The following PTPRO variants were observed in gnomAD, a reference collection of about 807,000 sequenced individuals.
PTPRO encodes receptor-type tyrosine-protein phosphatase O.
Under a neutral mutation model 145.2 loss-of-function variants are expected in PTPRO, and 62 were observed. The ratio of observed to expected loss-of-function variants is 0.43; its 90% CI spans 0.35 to 0.53. PTPRO has a LOEUF of 0.53. Ranked by LOEUF, PTPRO falls within the 20% of genes least tolerant of loss-of-function variation. The pLI, the probability that PTPRO is intolerant of heterozygous loss-of-function variation, is 0.01. For missense variants in PTPRO, 1,345 were observed against 1,482.7 expected, an observed-to-expected ratio of 0.91 and a Z score of 1.53; for synonymous variants, 565 against 514.7, an observed-to-expected ratio of 1.10 and a Z score of -1.32.
chr12:15,578,787 C>T (rs956571263), intron 19 of PTPRO, 66 bp from the exon 20 acceptor site: 81 of 1,096,182 alleles, frequency 7.4e-5, no homozygotes, highest in Non-Finnish European at 9.5e-5. Flanking sequence ...AGCAATAAAC[C>T]AGTTGAACAA....
intron 1 of PTPRO, among the ~76,000 whole-genome samples, chr12:15,474,946 C>T (rs1422367372): frequency 3.9e-5 from 6 of 152,292 alleles, no homozygotes; most frequent in Non-Finnish European, 7.3e-5. Flanking sequence ...TCTCATTAGT[C>T]GCACCAACTG....
intron 19 of PTPRO, 151 bp downstream of exon 19, chr12:15,569,649 G>T (rs1038071690): frequency 2.1e-4 from 150 of 703,422 alleles, no homozygotes; most frequent in Non-Finnish European, 3.1e-4. Flanking sequence ...TAGAGCAAGG[G>T]TTGTCAATCC....
chr12:15,495,844 T>G (rs1266298744), intron 2 of PTPRO, among the ~76,000 whole-genome samples: 2 of 152,162 alleles, frequency 1.3e-5, no homozygotes, highest in East Asian at 3.8e-4. Flanking sequence ...TAACATTTTT[T>G]TACACAGAGT....
intron 1 of PTPRO, among the ~76,000 whole-genome samples, chr12:15,426,592 A>G (rs1175647140): frequency 6.6e-6 from 1 of 152,030 alleles, no homozygotes; most frequent in Non-Finnish European, 1.5e-5. Flanking sequence ...TCGCTGCTTT[A>G]GGTTCTCAAT....
At chr12:15,488,570 A>G (rs1365584220) in intron 2 of PTPRO, among the ~76,000 whole-genome samples, 1 of 152,222 alleles carries the variant, frequency 6.6e-6, no homozygotes, top group Non-Finnish European at 1.5e-5. Context: ...CAGAGTTGAC[A>G]TATTTCTCCT....
intron 15 of PTPRO, among the ~76,000 whole-genome samples, chr12:15,554,329 G>T (rs1163640803): frequency 1.3e-5 from 2 of 151,998 alleles, no homozygotes; most frequent in Non-Finnish European, 2.9e-5. Flanking sequence ...GTATTAGTCA[G>T]AGTTCTCTAG....
chr12:15,460,980 A>G (rs1049870973), intron 1 of PTPRO, among the ~76,000 whole-genome samples: 1 of 152,130 alleles, frequency 6.6e-6, no homozygotes, highest in South Asian at 2.1e-4. Context: ...CATCCAGGGC[A>G]CTCTTAAATT....
chr12:15,415,378 T>G (rs1939920180), intron 1 of PTPRO, among the ~76,000 whole-genome samples: 1 of 120,508 alleles, frequency 8.3e-6, no homozygotes, highest in South Asian at 3.4e-4. Context: ...ATTTGTTAGG[T>G]GAAATGAATT....
chr12:15,531,623 C>G (rs1942964659), intron 12 of PTPRO, among the ~76,000 whole-genome samples: 1 of 152,068 alleles, frequency 6.6e-6, no homozygotes, highest in Admixed American at 6.6e-5. Flanking sequence ...AAGACAGTAT[C>G]CTAAAATCTG....
chr12:15,357,457 C>A (rs1256073266), intron 1 of PTPRO, among the ~76,000 whole-genome samples: 1 of 152,140 alleles, frequency 6.6e-6, no homozygotes, highest in Non-Finnish European at 1.5e-5. Context: ...TGTGGGTTTT[C>A]TCTGTGTAAA....
chr12:15,498,702 A>G (rs1942158122), intron 3 of PTPRO, among the ~76,000 whole-genome samples: 1 of 152,216 alleles, frequency 6.6e-6, no homozygotes, highest in South Asian at 2.1e-4. Flanking sequence ...TAATAAATGG[A>G]AAGTTATTTG....
intron 1 of PTPRO, among the ~76,000 whole-genome samples, chr12:15,326,960 C>A (rs1866463014): frequency 6.6e-6 from 1 of 152,126 alleles, no homozygotes; most frequent in African/African-American, 2.4e-5. Context: ...TGTAATATTT[C>A]TATCTTTCAT....
chr12:15,431,717 AC>A (rs1320297125), intron 1 of PTPRO, among the ~76,000 whole-genome samples: 1 of 152,164 alleles, frequency 6.6e-6, no homozygotes, highest in Non-Finnish European at 1.5e-5. Context: ...TTTGGCTTTT[AC>A]TTTGGAAAAT....
chr12:15,371,649 A>G (rs550336660), intron 1 of PTPRO, among the ~76,000 whole-genome samples: 2 of 152,270 alleles, frequency 1.3e-5, no homozygotes, highest in Admixed American at 6.5e-5. Flanking sequence ...ACGTGTATAT[A>G]CAATCTTTTT....
chr12:15,410,840 T>C (rs1259983823), intron 1 of PTPRO: 1 of 152,204 alleles, frequency 6.6e-6, no homozygotes, highest in African/African-American at 2.4e-5. Flanking sequence ...CTCCTTATAT[T>C]TGACAATAAA....
chr12:15,480,065 G>C (rs1420100588), intron 1 of PTPRO, among the ~76,000 whole-genome samples: 1 of 152,146 alleles, frequency 6.6e-6, no homozygotes, highest in African/African-American at 2.4e-5. Flanking sequence ...TGCCTATATT[G>C]CAAGGATTCT....
At chr12:15,526,370 T>C (rs1942838470) in intron 12 of PTPRO, 108 bp downstream of exon 12, 2 of 1,442,302 alleles carry the variant, frequency 1.4e-6, no homozygotes, top group South Asian at 2.3e-5. Context: ...AAATGGCTAA[T>C]TTTTTATGAG....
chr12:15,450,391 C>A (rs1321048857), intron 1 of PTPRO, among the ~76,000 whole-genome samples: 3 of 152,162 alleles, frequency 2.0e-5, no homozygotes, highest in African/African-American at 7.2e-5. Flanking sequence ...CCTGTGTTGG[C>A]CAAAATGATT....
intron 1 of PTPRO, among the ~76,000 whole-genome samples, chr12:15,455,918 A>G (rs1221337299): frequency 2.0e-5 from 3 of 152,170 alleles, no homozygotes; most frequent in Non-Finnish European, 4.4e-5. Flanking sequence ...TGACAGGTTG[A>G]TGGGTGCAGC....
Sources: allele counts gnomAD v4.1 joint callset (sites outside exome capture counted in the v4.1 genomes callset), GRCh38; gene constraint gnomAD v4.1.1; transcripts MANE v1.5; gene names NCBI Gene and HGNC (gene_info 2026-07-23, HGNC 2026-07-21).